PDCD6: variants seen among roughly 807,000 people sequenced by gnomAD.
PDCD6 encodes programmed cell death protein 6.
A neutral mutation model predicts 28.3 loss-of-function variants in PDCD6; 12 were observed. The ratio of observed to expected loss-of-function variants is 0.42; its 90% CI spans 0.27 to 0.69. The LOEUF (loss-of-function observed/expected upper bound fraction) is 0.69, where lower values mean the gene tolerates loss of function less well. Ranked by LOEUF, PDCD6 falls within the 30% of genes least tolerant of loss-of-function variation. The pLI is 0.22. For synonymous variants in PDCD6, 92 were observed against 108.0 expected, an observed-to-expected ratio of 0.85 and a Z score of 0.92; for missense variants, 226 against 269.9, an observed-to-expected ratio of 0.84 and a Z score of 1.14.
chr5:271,678 C>A lies in PDCD6; in HGVS notation c.-43C>A, dbSNP rs753745481. On this transcript the variant is annotated 5_prime_UTR_variant, in exon 1 of 6. Coordinates refer to ENST00000264933, the MANE Select transcript of PDCD6 (RefSeq NM_013232.4). ...GAAGCGGAGTCGGCCTGAGAGGTCT[C>A]TCGTCGCTGCAGGCGCCTCAGCCCA... is the stretch of plus-strand genomic sequence containing the variant. 8.3e-7 allele frequency: 1 copy of A among 1,202,018 alleles called. No homozygotes were observed. The allele number at this position is 1,202,018 out of a possible 1,614,324, so 74.5% of individuals were successfully genotyped here.
rs373252103 is a variant in PDCD6 at position 280,695 on chromosome 5, G to A, written c.163+7923G>A. On this transcript the variant is annotated intron_variant, in intron 2 of 5. Transcript: ENST00000264933. ...TTAAGAGGGGAGTCCATAGACCAGG[G>A]CAGAGGGCAGGGCTGTGAGGGCACT... 2.0e-5 allele frequency among the ~76,000 whole-genome samples: 3 copies of A among 150,142 alleles called. No homozygotes were observed. In the East Asian group the frequency reaches 6.0e-4, roughly 30 times the overall value.
intron 2 of PDCD6, among the ~76,000 whole-genome samples, chr5:278,561 A>AT (rs1427495689): frequency 1.3e-5 from 2 of 151,096 alleles, no homozygotes; most frequent in African/African-American, 4.9e-5. Context: ...AAAAAAAAAA[A>AT]ATTTAGCTGG....
chr5:311,807 C>T (rs1167148457), intron 5 of PDCD6: 1 of 197,466 alleles, frequency 5.1e-6, no homozygotes, highest in Non-Finnish European at 1.0e-5. Context: ...AATTCTCCTG[C>T]CTCAGCCTCC....
chr5:274,932 T>C (rs1462606932), intron 2 of PDCD6, among the ~76,000 whole-genome samples: 1 of 152,216 alleles, frequency 6.6e-6, no homozygotes, highest in Non-Finnish European at 1.5e-5. Flanking sequence ...TGATGGGTGC[T>C]GAGTCCACCA....
Position 289,448 on chromosome 5 carries a change from G to A in PDCD6, c.164-14729G>A, listed in dbSNP as rs536176198. 7.2e-4 allele frequency: 499 copies of A among 696,382 alleles called. 8 individuals are homozygous for A. In the South Asian group the frequency reaches 7.9e-3, roughly 11 times the overall value. 43.1% of individuals were successfully genotyped at this position (696,382 alleles called of 1,614,324 possible). On this transcript the variant is annotated intron_variant, in intron 2 of 5. Transcript: ENST00000264933. ...TTCATCCTCTTCTGTACGCGCTGCCGGGTACAACGGCTTTCTTTGTCTTTA... is the reference window on the plus strand; with the variant it reads ...TTCATCCTCTTCTGTACGCGCTGCCAGGTACAACGGCTTTCTTTGTCTTTA...
At chr5:313,489 G>A (rs1422122705) in intron 5 of PDCD6, among the ~76,000 whole-genome samples, 1 of 152,042 alleles carries the variant, frequency 6.6e-6, no homozygotes, top group Non-Finnish European at 1.5e-5. Context: ...TTGAGATGGA[G>A]TCTCACTCTT....
intron 5 of PDCD6, chr5:311,716 C>A (rs1740930552): frequency 3.2e-6 from 1 of 308,202 alleles, no homozygotes; most frequent in African/African-American, 2.3e-5. Context: ...TGTTTTGAGA[C>A]CGAGTCTCGC....
At chr5:290,401 C>T (rs1225085748) in intron 2 of PDCD6, 5 of 769,104 alleles carry the variant, frequency 6.5e-6, no homozygotes, top group Non-Finnish European at 1.1e-5. Flanking sequence ...CACCCCCCGA[C>T]GTCCTCCCAC....
chr5:285,048 C>T (rs540142284), intron 2 of PDCD6, among the ~76,000 whole-genome samples: 13 of 146,846 alleles, frequency 8.9e-5, no homozygotes, highest in African/African-American at 3.3e-4. Context: ...CGGCTACCCC[C>T]GAGTCTCCAG....
intron 2 of PDCD6, among the ~76,000 whole-genome samples, chr5:294,684 C>T (rs977128011): frequency 1.3e-5 from 2 of 152,242 alleles, no homozygotes; most frequent in African/African-American, 2.4e-5. Flanking sequence ...TCCAGCAACC[C>T]CGCTCCTGAA....
chr5:310,184 T>A, intron 4 of PDCD6: 1 of 162,396 alleles, frequency 6.2e-6, no homozygotes, highest in Non-Finnish European at 1.3e-5. Flanking sequence ...TGTTGACAAC[T>A]CTGCCATCTC....
At position 289,727 on chromosome 5, in the gene PDCD6, T is replaced by G. The variant is rs1457645559; in HGVS notation, c.164-14450T>G. 10 of 848,608 alleles carry G rather than the reference T, an allele frequency of 1.2e-5. No individual in the cohort carries two copies. In the Admixed American group the frequency reaches 1.2e-4, roughly 10 times the overall value. 52.6% of individuals were successfully genotyped at this position (848,608 alleles called of 1,614,324 possible). A position where few individuals can be genotyped will look rare whatever the true frequency, so the allele number is the denominator to read the frequency against. On this transcript the variant is annotated intron_variant, in intron 2 of 5. Coordinates refer to ENST00000264933, the MANE Select transcript of PDCD6 (RefSeq NM_013232.4). ...TCATTTTGCTGCAAATTTACCTCTTTGCTGTCTGTGCTGTCAGGCGACCCA... is the reference window on the plus strand; with the variant it reads ...TCATTTTGCTGCAAATTTACCTCTTGGCTGTCTGTGCTGTCAGGCGACCCA...
At chr5:301,904 T>C (rs1301440132) in intron 2 of PDCD6, among the ~76,000 whole-genome samples, 17 of 147,042 alleles carry the variant, frequency 1.2e-4, no homozygotes, top group Middle Eastern at 3.6e-3. Flanking sequence ...CAGGTTCAGG[T>C]GCACCTGCCT....
At chr5:289,955 C>T in intron 2 of PDCD6, 1 of 1,579,480 alleles carries the variant, frequency 6.3e-7, no homozygotes, top group Non-Finnish European at 8.7e-7. Context: ...TTTTCTACTC[C>T]TCTGAGAAAT....
intron 2 of PDCD6, chr5:273,457 A>G (rs1330344585): frequency 6.6e-6 from 1 of 152,526 alleles, no homozygotes; most frequent in Admixed American, 6.5e-5. Flanking sequence ...CTTCATTGAA[A>G]CCTGACTGCC....
intron 2 of PDCD6, among the ~76,000 whole-genome samples, chr5:288,656 G>C (rs1425346202): frequency 6.6e-6 from 1 of 152,054 alleles, no homozygotes; most frequent in Non-Finnish European, 1.5e-5. Context: ...ACCCAGAGGA[G>C]CTGATATTCA....
intron 1 of PDCD6, among the ~76,000 whole-genome samples, chr5:272,074 C>G (rs1222258037): frequency 6.6e-6 from 1 of 150,600 alleles, no homozygotes; most frequent in Non-Finnish European, 1.5e-5. Flanking sequence ...CTGGGGCCGC[C>G]CCTGCCTCCT....
At chr5:274,516 T>C (rs966235765) in intron 2 of PDCD6, among the ~76,000 whole-genome samples, 24 of 152,238 alleles carry the variant, frequency 1.6e-4, no homozygotes, top group African/African-American at 5.3e-4. Context: ...GTTTCCGTGA[T>C]TCCTGGCACG....
At chr5:289,926 G>A (rs1370007403) in intron 2 of PDCD6, 67 of 1,503,892 alleles carry the variant, frequency 4.5e-5, no homozygotes, top group Non-Finnish European at 6.1e-5. Context: ...GATAAACACA[G>A]CTAACAACCA....
Sources: gnomAD v4.1 joint callset for allele counts (sites outside exome capture counted in the v4.1 genomes callset) on GRCh38, gnomAD v4.1.1 for gene constraint, MANE v1.5 for transcripts, NCBI Gene and HGNC (gene_info 2026-07-23, HGNC 2026-07-21) for gene names.